MYCBP2: variants seen among roughly 807,000 people sequenced by gnomAD.
The protein encoded by MYCBP2 is E3 ubiquitin-protein ligase MYCBP2.
Under a neutral mutation model 525.3 loss-of-function variants are expected in MYCBP2, and 120 were observed. The ratio of observed to expected loss-of-function variants is 0.23; its 90% CI spans 0.20 to 0.27. MYCBP2 has a LOEUF of 0.27. MYCBP2 is among the 10% of genes least tolerant of loss of function. The probability of loss-of-function intolerance (pLI) is 1.00; values close to 1 mark genes in which losing one functional copy is unlikely to be tolerated. For missense variants in MYCBP2, 4,149 were observed against 5,657.1 expected (o/e 0.73, Z 8.55); for synonymous variants, 1,894 against 1,955.8 (o/e 0.97, Z 0.83).
chr13:77,064,585 T>TAAAAC (rs752363979), intron 73 of MYCBP2, 30 bp downstream of exon 73: 12 of 1,566,680 alleles, frequency 7.7e-6, no homozygotes, highest in African/African-American at 1.4e-5. Context: ...ACACCAAATT[T>TAAAAC]AAAACAAAAC....
chr13:77,104,195 A>C (rs1467445267), intron 55 of MYCBP2, among the ~76,000 whole-genome samples: 3 of 152,130 alleles, frequency 2.0e-5, no homozygotes, highest in African/African-American at 7.2e-5. Context: ...TAGTTGTCTT[A>C]GTATTATTGA....
chr13:77,062,597 A>G lies in MYCBP2; in HGVS notation c.12773T>C (p.Met4258Thr). Residue 4258 changes from methionine to threonine, a missense_variant and splice_region_variant, in exon 74 of 83, where the codon ATG becomes ACG. Around this residue, in one of 21 missense-constraint regions of MYCBP2, gnomAD observed 220 missense variants for 396.0 expected, o/e 0.56. Coordinates refer to ENST00000544440, the MANE Select transcript of MYCBP2 (RefSeq NM_015057.5). ...ATTCTTACAAAATTCTGATCTTACCATTTGTTTTTGTTGTCCATCCTTTCC... is the reference window on the plus strand; with the variant it reads ...ATTCTTACAAAATTCTGATCTTACCGTTTGTTTTTGTTGTCCATCCTTTCC... ...WMGKDGQQKQ[M>T]PMCDNHDDGE... is the part of the protein sequence containing the mutation. 2.5e-6 allele frequency: 4 copies of G among 1,612,834 alleles called. No homozygotes were observed. In the South Asian group the frequency reaches 3.3e-5, roughly 13 times the overall value.
chr13:77,314,925 TA>T (rs998648917), intron 1 of MYCBP2, among the ~76,000 whole-genome samples: 3 of 152,024 alleles, frequency 2.0e-5, no homozygotes, highest in Middle Eastern at 3.2e-3. Flanking sequence ...AAACTGCTCT[TA>T]AAAAAATATT....
chr13:77,171,940 G>C (rs570665262), intron 37 of MYCBP2, among the ~76,000 whole-genome samples: 1 of 151,996 alleles, frequency 6.6e-6, no homozygotes, highest in South Asian at 2.1e-4. Flanking sequence ...TTGCTCTGTC[G>C]CCCAGGCTGG....
intron 3 of MYCBP2, among the ~76,000 whole-genome samples, chr13:77,279,572 T>G (rs1473737653): frequency 6.6e-6 from 1 of 152,186 alleles, no homozygotes; most frequent in Non-Finnish European, 1.5e-5. Context: ...GTTCAAGAAG[T>G]ATTAATTAAA....
At chr13:77,259,638 T>A (rs1180791663) in intron 13 of MYCBP2, among the ~76,000 whole-genome samples, 2 of 152,226 alleles carry the variant, frequency 1.3e-5, no homozygotes, top group African/African-American at 4.8e-5. Context: ...CTCCACTTAA[T>A]AATTAATTGC....
chr13:77,087,935 C>T (rs1269502998), intron 61 of MYCBP2, among the ~76,000 whole-genome samples: 1 of 151,930 alleles, frequency 6.6e-6, no homozygotes, highest in African/African-American at 2.4e-5. Flanking sequence ...TGTGTACCAC[C>T]ACACCCAGCT....
chr13:77,307,766 T>G (rs2079650598), intron 1 of MYCBP2, among the ~76,000 whole-genome samples: 1 of 152,136 alleles, frequency 6.6e-6, no homozygotes, highest in Admixed American at 6.6e-5. Flanking sequence ...ATCTTCAGTC[T>G]TTATCCTTCA....
At chr13:77,175,786 C>A (rs1381811405) in intron 36 of MYCBP2, among the ~76,000 whole-genome samples, 2 of 151,872 alleles carry the variant, frequency 1.3e-5, no homozygotes, top group African/African-American at 4.8e-5. Context: ...CACAGTGAAA[C>A]CCCTCTACTA....
intron 36 of MYCBP2, among the ~76,000 whole-genome samples, chr13:77,175,470 G>C (rs963667757): frequency 6.6e-6 from 1 of 152,120 alleles, no homozygotes; most frequent in Admixed American, 6.5e-5. Context: ...TATGACCCAT[G>C]ATATAAATTT....
At chr13:77,234,575 C>A (rs938445148) in intron 17 of MYCBP2, among the ~76,000 whole-genome samples, 20 of 151,956 alleles carry the variant, frequency 1.3e-4, no homozygotes, top group Admixed American at 9.2e-4. Flanking sequence ...ATGACTACTA[C>A]AGATAGAAAC....
chr13:77,198,609 T>C (rs2062023044), intron 26 of MYCBP2, among the ~76,000 whole-genome samples: 1 of 152,206 alleles, frequency 6.6e-6, no homozygotes, highest in Non-Finnish European at 1.5e-5. Context: ...AAGCTATTAG[T>C]GAATATTCAA....
rs769779168 is a variant in MYCBP2 at position 77,055,748 on chromosome 13, A to G, written c.13457T>C (p.Val4486Ala). Residue 4486 changes from valine (V) to alanine (A), a missense_variant, in exon 80 of 83, where the codon GTA becomes GCA. Physicochemically the swap from Val to Ala is moderately conservative, Grantham distance 64. Transcript: ENST00000544440. ...PICKNKINHIVLKDLLDPIKE... is the reference protein window; with the variant it reads ...PICKNKINHIALKDLLDPIKE... ...TATTGGATCAAGTAGGTCTTTTAGT[A>G]CTATGTGATTAATTTTGTTCTGCAA... 6.2e-7 allele frequency: 1 copy of G among 1,612,080 alleles called. No homozygotes were observed. Among genetic ancestry groups the G allele is most frequent in the Admixed American group, 1.7e-5 (1 of 59,880 alleles).
At chr13:77,172,385 C>T (rs899946952) in intron 37 of MYCBP2, among the ~76,000 whole-genome samples, 3 of 152,008 alleles carry the variant, frequency 2.0e-5, no homozygotes, top group African/African-American at 7.2e-5. Flanking sequence ...GGTTTGTAGG[C>T]CACATAATGA....
chr13:77,266,122 A>G (rs1364638262), intron 8 of MYCBP2, among the ~76,000 whole-genome samples: 1 of 152,186 alleles, frequency 6.6e-6, no homozygotes, highest in East Asian at 1.9e-4. Context: ...ATATTTTCAA[A>G]TTGTCTTATC....
chr13:77,202,842 C>T (rs1032616678), intron 26 of MYCBP2, among the ~76,000 whole-genome samples: 3 of 152,316 alleles, frequency 2.0e-5, no homozygotes, highest in African/African-American at 7.2e-5. Context: ...CAAAATTCAA[C>T]AACCCTTCAT....
intron 1 of MYCBP2, among the ~76,000 whole-genome samples, chr13:77,312,461 AT>A (rs1261369825): frequency 6.6e-6 from 1 of 152,088 alleles, no homozygotes; most frequent in Non-Finnish European, 1.5e-5. Context: ...GGAGGGGAGA[AT>A]AAAAGGATCT....
At chr13:77,066,656 A>G (rs1260896852) in intron 71 of MYCBP2, among the ~76,000 whole-genome samples, 1 of 152,244 alleles carries the variant, frequency 6.6e-6, no homozygotes, top group Non-Finnish European at 1.5e-5. Flanking sequence ...AGGTCAAAAG[A>G]TATGCATATT....
intron 52 of MYCBP2, among the ~76,000 whole-genome samples, chr13:77,135,316 T>A (rs1222118911): frequency 6.6e-6 from 1 of 152,146 alleles, no homozygotes; most frequent in Admixed American, 6.5e-5. Context: ...CGAACTGAAG[T>A]AAGAAGGGAG....
Sources: gnomAD v4.1 joint callset for allele counts (sites outside exome capture counted in the v4.1 genomes callset) on GRCh38, gnomAD v4.1.1 for gene constraint, gnomAD v4.1.1 regional missense constraint, MANE v1.5 for transcripts, NCBI Gene and HGNC (gene_info 2026-07-23, HGNC 2026-07-21) for gene names.